GSE1: variants seen among roughly 807,000 people sequenced by gnomAD.
GSE1 encodes the protein genetic suppressor element 1.
A neutral mutation model predicts 112.6 loss-of-function variants in GSE1; 32 were observed. That is an observed-to-expected ratio of 0.28 (90% CI 0.21 to 0.38). The LOEUF is 0.38. Among genes scored for constraint, GSE1 ranks in the 10% least tolerant of loss-of-function variants. The pLI is 1.00. For missense variants in GSE1, 2,348 were observed against 1,699.2 expected, an observed-to-expected ratio of 1.38 and a Z score of -6.71; for synonymous variants, 1,115 against 735.6, an observed-to-expected ratio of 1.52 and a Z score of -8.35.
chr16:85,194,527 T>C (rs1222420758), intron 1 of GSE1, among the ~76,000 whole-genome samples: 1 of 152,180 alleles, frequency 6.6e-6, no homozygotes. Flanking sequence ...GAGCAGGAGA[T>C]GACTCTGGAA....
rs116429344 is a variant in GSE1 at position 85,208,784 on chromosome 16, G to A, written c.2283+36977G>A. Among the ~76,000 whole-genome samples, 1,187 of 151,168 alleles carry A rather than the reference G, an allele frequency of 7.9e-3. 18 individuals carry two copies. The highest frequency in any genetic ancestry group is 0.027 in the African/African-American group (1,121 of 41,040). ...TGGGGGTGGGGGTGGGGTTCGCCGC[G>A]TGTTGGGGTTCGCCTGTGTTGGGGT... On this transcript the variant is annotated intron_variant, in intron 1 of 2. Transcript: ENST00000637419.
chr16:85,354,952 T>C (rs534557098), intron 1 of GSE1, among the ~76,000 whole-genome samples: 38 of 152,322 alleles, frequency 2.5e-4, no homozygotes, highest in African/African-American at 8.4e-4. Flanking sequence ...CCCTGGGCCC[T>C]GAGTGAGTGG....
At chr16:85,623,847 A>G (rs1207157498) in intron 1 of GSE1, among the ~76,000 whole-genome samples, 2 of 152,028 alleles carry the variant, frequency 1.3e-5, no homozygotes, top group African/African-American at 4.8e-5. Flanking sequence ...TGGCCCCTGT[A>G]TGATTGCTTC....
chr16:85,595,876 C>G (rs1449196876), intron 1 of GSE1, among the ~76,000 whole-genome samples: 2 of 136,120 alleles, frequency 1.5e-5, no homozygotes, highest in Non-Finnish European at 3.2e-5. Context: ...ACTTTTCTAT[C>G]TGCCCACCCA....
intron 2 of GSE1, among the ~76,000 whole-genome samples, chr16:85,484,601 C>T (rs1242445809): frequency 6.6e-6 from 1 of 152,140 alleles, no homozygotes; most frequent in African/African-American, 2.4e-5. Flanking sequence ...AACAGATTTT[C>T]TGCACAGCAG....
intron 1 of GSE1, among the ~76,000 whole-genome samples, chr16:85,200,319 C>T (rs1236277415): frequency 6.6e-6 from 1 of 151,700 alleles, no homozygotes; most frequent in East Asian, 1.9e-4. Context: ...TCGCCAACCT[C>T]ACCTTTATCT....
At chr16:85,181,159 A>G (rs917118786) in intron 1 of GSE1, among the ~76,000 whole-genome samples, 3 of 152,204 alleles carry the variant, frequency 2.0e-5, no homozygotes, top group African/African-American at 7.2e-5. Flanking sequence ...TCTGGGTCTC[A>G]TCTGGGCTCC....
chr16:85,191,846 A>G (rs1485932923), intron 1 of GSE1, among the ~76,000 whole-genome samples: 3 of 152,018 alleles, frequency 2.0e-5, no homozygotes, highest in African/African-American at 7.3e-5. Flanking sequence ...CCCTGACACC[A>G]TGACGGATAG....
At chr16:85,537,558 AC>A (rs2044373417) in intron 2 of GSE1, among the ~76,000 whole-genome samples, 1 of 152,036 alleles carries the variant, frequency 6.6e-6, no homozygotes, top group Non-Finnish European at 1.5e-5. Flanking sequence ...TGGCGCAGGA[AC>A]CCCCTGTGGG....
chr16:85,628,153 G>A (rs987630634), intron 1 of GSE1, among the ~76,000 whole-genome samples: 7 of 152,320 alleles, frequency 4.6e-5, no homozygotes, highest in African/African-American at 9.6e-5. Flanking sequence ...AGGGAGCTGC[G>A]CCCGGCTGCT....
intron 1 of GSE1, among the ~76,000 whole-genome samples, chr16:85,615,123 T>C (rs2048291103): frequency 6.6e-6 from 1 of 152,154 alleles, no homozygotes; most frequent in African/African-American, 2.4e-5. Context: ...GGCACTTCAG[T>C]GTTGCTCACC....
rs2048684897 is a variant in GSE1 at position 85,620,810 on chromosome 16, GTC to G, written c.7+7416_7+7417del. 3.3e-5 allele frequency among the ~76,000 whole-genome samples: 5 copies of G among 151,992 alleles called. No homozygotes were observed. In the South Asian group the frequency reaches 1.0e-3, roughly 32 times the overall value. ...CCCGTTTAGAGGGTCTCAGCCCTGG[GTC>G]TCTGCTGTGTTGGGGAAGCCGTGTA... On this transcript the variant is annotated intron_variant, in intron 1 of 15. Coordinates refer to ENST00000253458, the MANE Select transcript of GSE1 (RefSeq NM_014615.5).
intron 1 of GSE1, among the ~76,000 whole-genome samples, chr16:85,351,269 C>T (rs1405345916): frequency 6.6e-6 from 1 of 152,220 alleles, no homozygotes; most frequent in African/African-American, 2.4e-5. Flanking sequence ...AGGGAATTCT[C>T]TGTCCAGCAG....
chr16:85,470,909 A>G (rs1025970992), intron 2 of GSE1, among the ~76,000 whole-genome samples: 1 of 152,250 alleles, frequency 6.6e-6, no homozygotes, highest in African/African-American at 2.4e-5. Flanking sequence ...AAGATAAAAT[A>G]AAACCCAGTG....
In GSE1 at chr16:85,674,713, T is replaced by G. The variant is rs1251427359; in HGVS notation, c.*2174T>G. On this transcript the variant is annotated 3_prime_UTR_variant, in exon 16 of 16. Coordinates refer to ENST00000253458, the MANE Select transcript of GSE1 (RefSeq NM_014615.5). The stretch of plus-strand genomic sequence containing the variant: ...CCCTTACCATCCAAGGGGCACTCCC[T>G]TGGTTGGATTTTCTATGACAGCACA... 1.3e-5 allele frequency: 2 copies of G among 152,256 alleles called. No individual in the cohort carries two copies. The highest frequency in any genetic ancestry group is 2.9e-5 in the Non-Finnish European group (2 of 68,050). 9.4% of individuals were successfully genotyped at this position (152,256 alleles called of 1,614,324 possible).
chr16:85,269,082 T>G (rs1233292589), intron 1 of GSE1, among the ~76,000 whole-genome samples: 1 of 149,278 alleles, frequency 6.7e-6, no homozygotes, highest in African/African-American at 2.4e-5. Flanking sequence ...ATTTTACAGA[T>G]GGACAAACCG....
chr16:85,448,018 G>T (rs1460444563), intron 2 of GSE1, among the ~76,000 whole-genome samples: 1 of 152,214 alleles, frequency 6.6e-6, no homozygotes, highest in African/African-American at 2.4e-5. Context: ...GGGAGAAGCA[G>T]AGCTGGGAAG....
At chr16:85,468,154 C>G (rs904175498) in intron 2 of GSE1, among the ~76,000 whole-genome samples, 1 of 149,762 alleles carries the variant, frequency 6.7e-6, no homozygotes, top group Non-Finnish European at 1.5e-5. Context: ...TCAGGTGTTT[C>G]TGTACTTGGG....
intron 1 of GSE1, among the ~76,000 whole-genome samples, chr16:85,255,114 C>T (rs933516907): frequency 1.3e-5 from 2 of 152,348 alleles, no homozygotes; most frequent in Non-Finnish European, 2.9e-5. Context: ...CTGTTGCCAG[C>T]TTCCGGCTCC....
Sources: allele counts gnomAD v4.1 joint callset (sites outside exome capture counted in the v4.1 genomes callset), GRCh38; gene constraint gnomAD v4.1.1; transcripts MANE v1.5; gene names NCBI Gene and HGNC (gene_info 2026-07-23, HGNC 2026-07-21).